The following CCDC170 variants were observed in gnomAD, a reference collection of about 807,000 sequenced individuals.
The protein encoded by CCDC170 is coiled-coil domain containing 170, also known as coiled-coil domain-containing protein 170.
Under a neutral mutation model 72.6 loss-of-function variants are expected in CCDC170, and 69 were observed. That is an observed-to-expected ratio of 0.95 (90% CI 0.78 to 1.16). The LOEUF is 1.16. CCDC170 is among the 50% of genes most tolerant of loss of function. The pLI is 0.00. For synonymous variants in CCDC170, 300 were observed against 303.9 expected, an observed-to-expected ratio of 0.99 and a Z score of 0.13; for missense variants, 852 against 832.5, an observed-to-expected ratio of 1.02 and a Z score of -0.29.
At chr6:151,544,511 G>T in intron 3 of CCDC170, 61 bp from the exon 4 acceptor site, 1 of 1,500,306 alleles carries the variant, frequency 6.7e-7, no homozygotes, top group Non-Finnish European at 9.1e-7. Context: ...TTCTGACTTG[G>T]TTTGATGAAT....
intron 1 of CCDC170, 145 bp downstream of exon 1, chr6:151,494,330 C>A (rs1582996212): frequency 1.1e-6 from 1 of 876,222 alleles, no homozygotes; most frequent in Non-Finnish European, 1.6e-6. Flanking sequence ...AGGGCTGTGG[C>A]CTGGGACTGC....
At chr6:151,510,309 C>G (rs114355381) in intron 1 of CCDC170, among the ~76,000 whole-genome samples, 277 of 152,278 alleles carry the variant, frequency 1.8e-3, no homozygotes, top group African/African-American at 6.2e-3. Flanking sequence ...ATTCTTCTAT[C>G]TCTGTGGTAG....
At chr6:151,578,849 C>T (rs1776342176) in intron 6 of CCDC170, among the ~76,000 whole-genome samples, 1 of 152,136 alleles carries the variant, frequency 6.6e-6, no homozygotes, top group African/African-American at 2.4e-5. Context: ...TTAAGTGACC[C>T]AAATGGCTCT....
chr6:151,549,450 A>C (rs1186648700), intron 5 of CCDC170, among the ~76,000 whole-genome samples: 7 of 152,218 alleles, frequency 4.6e-5, no homozygotes, highest in Admixed American at 2.6e-4. Context: ...TAAATTTAAT[A>C]TATTTGAACA....
intron 5 of CCDC170, among the ~76,000 whole-genome samples, chr6:151,549,045 G>T (rs1354258182): frequency 2.0e-5 from 3 of 152,036 alleles, no homozygotes; most frequent in Non-Finnish European, 4.4e-5. Context: ...GACTACAGGG[G>T]CCCACCACCA....
At chr6:151,504,281 C>T (rs564964944) in intron 1 of CCDC170, among the ~76,000 whole-genome samples, 24 of 151,766 alleles carry the variant, frequency 1.6e-4, no homozygotes, top group African/African-American at 3.9e-4. Flanking sequence ...GCAACTTTTC[C>T]GTAGGATTGA....
At chr6:151,506,651 C>A (rs1435286205) in intron 1 of CCDC170, among the ~76,000 whole-genome samples, 1 of 152,156 alleles carries the variant, frequency 6.6e-6, no homozygotes, top group Non-Finnish European at 1.5e-5. Context: ...ACCTTAAGAC[C>A]ACACTCTTTT....
chr6:151,526,543 G>T (rs1291511342), intron 1 of CCDC170, among the ~76,000 whole-genome samples: 1 of 141,742 alleles, frequency 7.1e-6, no homozygotes, highest in Non-Finnish European at 1.5e-5. Context: ...TTGAGATGGA[G>T]ACTCGCTCTG....
chr6:151,580,473 GCTATATTAGTAAGTTATACTTACTAATA>G (rs1776365242), intron 6 of CCDC170, among the ~76,000 whole-genome samples: 1 of 151,940 alleles, frequency 6.6e-6, no homozygotes, highest in Admixed American at 6.6e-5. Flanking sequence ...AGATTTATCT[GCTATATTAGTAAGTTATACTTACTAATA>G]TAGCTATGAA....
rs1288671485 is a variant in CCDC170, at chr6:151,620,231, A to C, written c.*2084A>C. The C allele has an allele frequency of 6.6e-6, 1 of 151,696 alleles. No homozygotes were observed. The highest frequency in any genetic ancestry group is 1.5e-5 in the Non-Finnish European group (1 of 67,932). 9.4% of individuals were successfully genotyped at this position (151,696 alleles called of 1,614,324 possible). A position where few individuals can be genotyped will look rare whatever the true frequency, so the allele number is the denominator to read the frequency against. On this transcript the variant is annotated 3_prime_UTR_variant, in exon 11 of 11. Coordinates refer to ENST00000239374, the MANE Select transcript of CCDC170 (RefSeq NM_025059.4). ...AGAAGAAAGAGAGAAAGAAAGAAAC[A>C]GAAAAACCTAAAAGAAAGCGAATGA...
At chr6:151,541,339 G>C (rs1441134898) in intron 3 of CCDC170, among the ~76,000 whole-genome samples, 1 of 151,898 alleles carries the variant, frequency 6.6e-6, no homozygotes, top group East Asian at 1.9e-4. Flanking sequence ...TTAATATTTT[G>C]ATTATTGTCC....
rs1043142030 is a variant in CCDC170 at position 151,548,873 on chromosome 6, C to A, written c.774+384C>A. 2.8e-4 allele frequency among the ~76,000 whole-genome samples: 42 copies of A among 149,342 alleles called. 1 individual carries two copies. Among genetic ancestry groups the A allele is most frequent in the Middle Eastern group, 3.4e-3 (1 of 292 alleles). The stretch of plus-strand genomic sequence containing the variant: ...TAGCTGGGACTACAGGCACCCACCA[C>A]CATGCCCAGCTAGTTTTTTTGTTTG... On this transcript the variant is annotated intron_variant, in intron 5 of 10. Coordinates refer to ENST00000239374, the MANE Select transcript of CCDC170 (RefSeq NM_025059.4).
chr6:151,569,478 T>C (rs1236353393), intron 5 of CCDC170, among the ~76,000 whole-genome samples: 1 of 152,256 alleles, frequency 6.6e-6, no homozygotes, highest in African/African-American at 2.4e-5. Flanking sequence ...ATTTTTTAAG[T>C]GATCCCCATC....
chr6:151,558,893 AT>A (rs1413155363), intron 5 of CCDC170, among the ~76,000 whole-genome samples: 1 of 152,190 alleles, frequency 6.6e-6, no homozygotes, highest in Non-Finnish European at 1.5e-5. Context: ...TTGTGGATCA[AT>A]AGAAATTTTA....
rs1776317985 is a variant in CCDC170 at position 151,577,386 on chromosome 6, T to C, written c.1092+3895T>C. On this transcript the variant is annotated intron_variant, in intron 6 of 10. Coordinates refer to ENST00000239374, the MANE Select transcript of CCDC170 (RefSeq NM_025059.4). ...CAGGTTCCCACGAATTCTAAATGAG[T>C]ATTTAGATGTTACTTAGCCTTGGAA... Among the ~76,000 whole-genome samples, 4 of 152,144 alleles carry C rather than the reference T, an allele frequency of 2.6e-5. No individual in the cohort carries two copies. The South Asian group carries it at 8.3e-4, about 32-fold the overall frequency.
Position 151,615,608 on chromosome 6 carries a change from A to T in CCDC170, c.1876A>T (p.Ile626Leu). ...KENKERARNM[I>L]EVVTSEMKTL... ...GAATAAAGAAAGGGCCAGAAACATG[A>T]TAGAAGTGGTAACCAGTGAAATGAA... is the stretch of plus-strand genomic sequence containing the variant. The change falls in exon 10 of 11, where the codon ATA becomes TTA. Residue 626 changes from isoleucine (I) to leucine (L), a missense_variant. Ile to Leu is a conservative substitution (Grantham distance 5). Coordinates refer to ENST00000239374, the MANE Select transcript of CCDC170 (RefSeq NM_025059.4). 6.2e-7 allele frequency: 1 copy of T among 1,614,178 alleles called. No individual in the cohort carries two copies. The highest frequency in any genetic ancestry group is 1.1e-5 in the South Asian group (1 of 91,088).
At chr6:151,500,368 A>G (rs1419873533) in intron 1 of CCDC170, among the ~76,000 whole-genome samples, 1 of 151,962 alleles carries the variant, frequency 6.6e-6, no homozygotes, top group Non-Finnish European at 1.5e-5. Context: ...AAAAGAGAAT[A>G]TAGAGAAAAA....
chr6:151,554,832 A>G (rs1043226639), intron 5 of CCDC170, among the ~76,000 whole-genome samples: 2 of 145,530 alleles, frequency 1.4e-5, no homozygotes, highest in Non-Finnish European at 3.0e-5. Flanking sequence ...TCATTCGGCT[A>G]TGTGATTGCA....
intron 9 of CCDC170, among the ~76,000 whole-genome samples, chr6:151,599,710 G>A (rs1776675729): frequency 1.3e-5 from 2 of 152,178 alleles, no homozygotes; most frequent in Admixed American, 6.5e-5. Flanking sequence ...ACCAAGTACA[G>A]CAGTGCGATA....
Sources: gnomAD v4.1 joint callset for allele counts (sites outside exome capture counted in the v4.1 genomes callset) on GRCh38, gnomAD v4.1.1 for gene constraint, MANE v1.5 for transcripts, NCBI Gene and HGNC (gene_info 2026-07-23, HGNC 2026-07-21) for gene names.